Variants in WDPCP observed in about 807,000 individuals in gnomAD.
WDPCP encodes WD repeat containing planar cell polarity effector, also known as WD repeat-containing and planar cell polarity effector protein fritz homolog.
In WDPCP, 71 loss-of-function variants were observed where a neutral mutation model predicts 93.1. The observed-to-expected ratio is 0.76, with a 90% CI of 0.63 to 0.93. The LOEUF is 0.93. WDPCP is among the 40% of genes least tolerant of loss of function. The pLI, the probability that WDPCP is intolerant of heterozygous loss-of-function variation, is 0.00. For missense variants in WDPCP, 844 were observed against 887.4 expected, an observed-to-expected ratio of 0.95 and a Z score of 0.62; for synonymous variants, 315 against 315.0, an observed-to-expected ratio of 1.00 and a Z score of 0.00.
At chr2:63,162,248 T>A (rs1375294608) in intron 15 of WDPCP, among the ~76,000 whole-genome samples, 1 of 152,184 alleles carries the variant, frequency 6.6e-6, no homozygotes, top group Non-Finnish European at 1.5e-5. Context: ...CAAAAAATAT[T>A]CAAGGACTTA....
At chr2:63,164,403 C>G (rs10211176) in intron 15 of WDPCP, among the ~76,000 whole-genome samples, 1 of 152,066 alleles carries the variant, frequency 6.6e-6, no homozygotes, top group Admixed American at 6.6e-5. Context: ...AGCACTGTCC[C>G]CTTGGTGCTG....
At chr2:63,649,498 T>A (rs2106634651) in intron 3 of WDPCP, among the ~76,000 whole-genome samples, 1 of 152,338 alleles carries the variant, frequency 6.6e-6, no homozygotes, top group Non-Finnish European at 1.5e-5. Context: ...TGAATAGTGA[T>A]GCTATAAACA....
At chr2:63,601,539 G>A (rs1453205524) in intron 3 of WDPCP, among the ~76,000 whole-genome samples, 1 of 152,212 alleles carries the variant, frequency 6.6e-6, no homozygotes, top group Non-Finnish European at 1.5e-5. Context: ...GTGTCTAAGG[G>A]AGCAAAGAGC....
chr2:63,180,694 G>T (rs1442299711), intron 14 of WDPCP, among the ~76,000 whole-genome samples: 1 of 152,010 alleles, frequency 6.6e-6, no homozygotes, highest in African/African-American at 2.4e-5. Context: ...TGGGTAGATA[G>T]CCAGTAGTGG....
At chr2:63,823,895 G>A (rs1382484848) in intron 1 of WDPCP, among the ~76,000 whole-genome samples, 2 of 152,104 alleles carry the variant, frequency 1.3e-5, no homozygotes, top group African/African-American at 2.4e-5. Context: ...GAAATGGGCT[G>A]GGCATGGTGG....
At chr2:63,413,021 T>C (rs1446906885) in intron 9 of WDPCP, among the ~76,000 whole-genome samples, 1 of 151,976 alleles carries the variant, frequency 6.6e-6, no homozygotes, top group Non-Finnish European at 1.5e-5. Context: ...AGAAAAACAA[T>C]TCTAAAATTC....
chr2:63,236,402 C>A (rs574175944), intron 14 of WDPCP, among the ~76,000 whole-genome samples: 3 of 152,248 alleles, frequency 2.0e-5, no homozygotes, highest in African/African-American at 7.2e-5. Context: ...TCCATACCAC[C>A]CAAAGCAATC....
chr2:63,514,234 T>C (rs1264093710), intron 1 of WDPCP, among the ~76,000 whole-genome samples: 2 of 152,230 alleles, frequency 1.3e-5, no homozygotes, highest in Admixed American at 1.3e-4. Flanking sequence ...CCTTTTATAC[T>C]ATATATATGG....
intron 17 of WDPCP, among the ~76,000 whole-genome samples, chr2:63,130,017 C>G (rs1194730565): frequency 2.0e-5 from 3 of 152,140 alleles, no homozygotes; most frequent in African/African-American, 7.2e-5. Flanking sequence ...ATGAGGAACT[C>G]ATGGATACAG....
intron 2 of WDPCP, among the ~76,000 whole-genome samples, chr2:63,724,378 A>G (rs1381975995): frequency 6.6e-6 from 1 of 152,120 alleles, no homozygotes; most frequent in East Asian, 1.9e-4. Flanking sequence ...AATTTCATCA[A>G]TACTTACACT....
intron 13 of WDPCP, among the ~76,000 whole-genome samples, chr2:63,291,335 C>G (rs1684403040): frequency 6.6e-6 from 1 of 152,146 alleles, no homozygotes; most frequent in Non-Finnish European, 1.5e-5. Context: ...AAGGCTAATA[C>G]AGTTTCTTAT....
At chr2:63,690,272 C>T (rs1668870604) in intron 2 of WDPCP, among the ~76,000 whole-genome samples, 1 of 152,176 alleles carries the variant, frequency 6.6e-6, no homozygotes, top group Admixed American at 6.5e-5. Flanking sequence ...TTAAATTCAG[C>T]TGGAAAGGCT....
At chr2:63,150,206 G>A (rs1398190910) in intron 17 of WDPCP, among the ~76,000 whole-genome samples, 2 of 152,100 alleles carry the variant, frequency 1.3e-5, no homozygotes, top group African/African-American at 4.8e-5. Context: ...TTTTTATTTT[G>A]TTTTCTGGCT....
At chr2:63,583,698 G>C (rs1708647739) in intron 1 of WDPCP, among the ~76,000 whole-genome samples, 1 of 150,616 alleles carries the variant, frequency 6.6e-6, no homozygotes, top group South Asian at 2.1e-4. Flanking sequence ...AAAAAAGAAA[G>C]AAATTTTGAA....
intron 3 of WDPCP, among the ~76,000 whole-genome samples, chr2:63,636,644 C>A (rs1465205164): frequency 6.6e-6 from 1 of 152,006 alleles, no homozygotes; most frequent in Non-Finnish European, 1.5e-5. Flanking sequence ...AATATGTTGT[C>A]CAGGCTGGCA....
At chr2:63,141,455 G>C (rs1233606008) in intron 17 of WDPCP, among the ~76,000 whole-genome samples, 1 of 152,142 alleles carries the variant, frequency 6.6e-6, no homozygotes, top group Non-Finnish European at 1.5e-5. Flanking sequence ...TACATCCCTG[G>C]TATGAAACCC....
intron 9 of WDPCP, among the ~76,000 whole-genome samples, chr2:63,426,352 A>G (rs972855456): frequency 6.6e-6 from 1 of 152,134 alleles, no homozygotes; most frequent in African/African-American, 2.4e-5. Flanking sequence ...AAAAAAAAAC[A>G]AAACAAAACA....
At chr2:63,334,491 T>C (rs1324650466) in intron 12 of WDPCP, among the ~76,000 whole-genome samples, 1 of 152,116 alleles carries the variant, frequency 6.6e-6, no homozygotes, top group East Asian at 1.9e-4. Context: ...GGAGGGGACA[T>C]TCAGGTCATA....
intron 1 of WDPCP, among the ~76,000 whole-genome samples, chr2:63,527,669 G>A (rs534307001): frequency 2.8e-4 from 43 of 152,076 alleles, no homozygotes; most frequent in African/African-American, 7.5e-4. Context: ...GAATAGTGCC[G>A]CAGTAAACAT....
Sources: allele counts gnomAD v4.1 joint callset (sites outside exome capture counted in the v4.1 genomes callset), GRCh38; gene constraint gnomAD v4.1.1; transcripts MANE v1.5; gene names NCBI Gene and HGNC (gene_info 2026-07-23, HGNC 2026-07-21).